SCAPER: variants seen among roughly 807,000 people sequenced by gnomAD.
SCAPER encodes the protein S phase cyclin A-associated protein in the endoplasmic reticulum.
SCAPER carries 98 observed loss-of-function variants against 182.2 expected under a neutral mutation model. That is an observed-to-expected ratio of 0.54 (90% confidence interval 0.46 to 0.64). The LOEUF is 0.64. Among genes scored for constraint, SCAPER ranks in the 30% least tolerant of loss-of-function variants. SCAPER has a pLI of 0.00. For missense variants in SCAPER, 1,432 were observed against 1,690.0 expected (o/e 0.85, Z 2.68); for synonymous variants, 605 against 564.6 (o/e 1.07, Z -1.01).
In SCAPER at chr15:76,574,179, G is replaced by A. The variant is rs1027876698; in HGVS notation, c.2817C>T (p.Ile939=). The A allele has an allele frequency of 6.2e-7, 1 of 1,606,870 alleles. No homozygotes were observed. The highest frequency in any genetic ancestry group is 1.7e-5 in the Admixed American group (1 of 59,156). ...VSALDRTLGE[I]TRILEKENVA... ...ACACCTCTTTTTCCAGTATTCTAGT[G>A]ATCTCTCCTAGGGTCCGATCCAAAG... Residue 939 remains isoleucine (I), a synonymous_variant, in exon 23 of 32, where the codon ATC becomes ATT. Transcript: ENST00000563290.
At chr15:76,799,688 G>A (rs2065609583) in intron 7 of SCAPER, among the ~76,000 whole-genome samples, 1 of 152,134 alleles carries the variant, frequency 6.6e-6, no homozygotes, top group Admixed American at 6.5e-5. Context: ...AGAAGGAACT[G>A]CCCACGACGG....
intron 26 of SCAPER, among the ~76,000 whole-genome samples, chr15:76,428,627 G>C (rs1270711204): frequency 6.6e-6 from 1 of 151,888 alleles, no homozygotes; most frequent in Non-Finnish European, 1.5e-5. Context: ...GTTACCAGAG[G>C]CTGAGGAGGG....
At chr15:76,561,722 T>G (rs1282179644) in intron 23 of SCAPER, among the ~76,000 whole-genome samples, 1 of 152,084 alleles carries the variant, frequency 6.6e-6, no homozygotes, top group East Asian at 1.9e-4. Flanking sequence ...CTCACTTTTT[T>G]TTTTTAGACG....
intron 29 of SCAPER, among the ~76,000 whole-genome samples, chr15:76,372,784 T>C (rs139971609): frequency 5.9e-5 from 9 of 152,240 alleles, no homozygotes; most frequent in African/African-American, 2.2e-4. Context: ...ACCATGAATG[T>C]CCATACAAGA....
intron 8 of SCAPER, among the ~76,000 whole-genome samples, chr15:76,785,847 T>C (rs564843242): frequency 6.6e-6 from 1 of 151,730 alleles, no homozygotes; most frequent in African/African-American, 2.4e-5. Flanking sequence ...GGACACAGGG[T>C]GGGGAACATC....
chr15:76,777,978 A>G (rs764362161), intron 8 of SCAPER, among the ~76,000 whole-genome samples: 1 of 152,220 alleles, frequency 6.6e-6, no homozygotes, highest in African/African-American at 2.4e-5. Flanking sequence ...CTATTTTATA[A>G]TAGAGTGTTA....
intron 5 of SCAPER, among the ~76,000 whole-genome samples, chr15:76,818,646 A>G (rs1263589877): frequency 6.6e-6 from 1 of 152,236 alleles, no homozygotes; most frequent in East Asian, 1.9e-4. Context: ...TCCAGTCTAC[A>G]GCTCCCAGCG....
chr15:76,426,267 C>G (rs183749224), intron 26 of SCAPER, among the ~76,000 whole-genome samples: 33 of 152,352 alleles, frequency 2.2e-4, no homozygotes, highest in African/African-American at 6.7e-4. Flanking sequence ...CCACCCAGTT[C>G]GAGCTTCCTG....
At chr15:76,734,807 G>C (rs1028071659) in intron 15 of SCAPER, among the ~76,000 whole-genome samples, 1 of 151,972 alleles carries the variant, frequency 6.6e-6, no homozygotes, top group Non-Finnish European at 1.5e-5. Flanking sequence ...GGGAGGTAGG[G>C]GTTGTAGTGA....
intron 21 of SCAPER, among the ~76,000 whole-genome samples, chr15:76,624,182 A>G (rs1270529264): frequency 6.6e-6 from 1 of 152,246 alleles, no homozygotes; most frequent in Non-Finnish European, 1.5e-5. Context: ...GAACCGATAG[A>G]CGACTTCAGT....
chr15:76,549,140 T>A (rs1486773999), intron 23 of SCAPER, among the ~76,000 whole-genome samples: 1 of 152,106 alleles, frequency 6.6e-6, no homozygotes, highest in Non-Finnish European at 1.5e-5. Context: ...GCAAAGGATA[T>A]GAACAGACAC....
intron 22 of SCAPER, among the ~76,000 whole-genome samples, chr15:76,615,683 GGTGGCACACACCTGTAATCCCAGCT>G (rs2051412887): frequency 6.6e-6 from 1 of 151,536 alleles, no homozygotes; most frequent in African/African-American, 2.4e-5. Context: ...AGCTGGGCAC[GGTGGCACACACCTGTAATCCCAGCT>G]ACTCGAGAGG....
chr15:76,411,407 A>T (rs2045280052), intron 26 of SCAPER, among the ~76,000 whole-genome samples: 1 of 152,132 alleles, frequency 6.6e-6, no homozygotes. Flanking sequence ...GGCAAGTATA[A>T]TGCAAATACT....
chr15:76,505,541 T>G (rs2041495732), intron 23 of SCAPER, among the ~76,000 whole-genome samples: 1 of 151,908 alleles, frequency 6.6e-6, no homozygotes, highest in African/African-American at 2.4e-5. Context: ...AAAACTACAG[T>G]GAGATATCAT....
intron 26 of SCAPER, among the ~76,000 whole-genome samples, chr15:76,414,390 G>A (rs2045509066): frequency 6.6e-6 from 1 of 151,918 alleles, no homozygotes; most frequent in Admixed American, 6.6e-5. Flanking sequence ...AAAGTGCAAT[G>A]AGAACTACAC....
At chr15:76,807,438 G>C (rs1332863897) in intron 5 of SCAPER, among the ~76,000 whole-genome samples, 1 of 152,100 alleles carries the variant, frequency 6.6e-6, no homozygotes, top group Non-Finnish European at 1.5e-5. Context: ...TGTGCTGCTA[G>C]ATTTGGTTTG....
intron 23 of SCAPER, among the ~76,000 whole-genome samples, chr15:76,569,121 T>C (rs1251505306): frequency 1.3e-5 from 2 of 152,008 alleles, no homozygotes; most frequent in African/African-American, 4.8e-5. Flanking sequence ...AATATTTTTG[T>C]TGTACACAAT....
At chr15:76,711,495 G>T (rs1335265168) in intron 17 of SCAPER, among the ~76,000 whole-genome samples, 1 of 152,138 alleles carries the variant, frequency 6.6e-6, no homozygotes. Flanking sequence ...CAACAAGAAA[G>T]AACTTGTATA....
At chr15:76,583,720 A>T (rs1290945291) in intron 22 of SCAPER, among the ~76,000 whole-genome samples, 1 of 152,248 alleles carries the variant, frequency 6.6e-6, no homozygotes, top group Non-Finnish European at 1.5e-5. Flanking sequence ...CTACAATGAG[A>T]TATCATCTCA....
Sources: gnomAD v4.1 joint callset for allele counts (sites outside exome capture counted in the v4.1 genomes callset) on GRCh38, gnomAD v4.1.1 for gene constraint, MANE v1.5 for transcripts, NCBI Gene and HGNC (gene_info 2026-07-23, HGNC 2026-07-21) for gene names.